SLF1: variants seen among roughly 807,000 people sequenced by gnomAD.
The protein encoded by SLF1 is SMC5-SMC6 complex localization factor protein 1.
Under a neutral mutation model 123.0 loss-of-function variants are expected in SLF1, and 105 were observed. The observed-to-expected ratio is 0.85, with a 90% confidence interval of 0.73 to 1.00. The LOEUF (loss-of-function observed/expected upper bound fraction) is 1.00, where lower values mean the gene tolerates loss of function less well. Among genes scored for constraint, SLF1 ranks in the 50% least tolerant of loss-of-function variants. The pLI is 0.00. For synonymous variants in SLF1, 434 were observed against 406.6 expected, an observed-to-expected ratio of 1.07 and a Z score of -0.81; for missense variants, 1,239 against 1,223.0, an observed-to-expected ratio of 1.01 and a Z score of -0.20.
chr5:94,650,145 ATTAG>A (rs1747516856), intron 6 of SLF1, among the ~76,000 whole-genome samples: 3 of 152,288 alleles, frequency 2.0e-5, no homozygotes, highest in Middle Eastern at 3.4e-3. Flanking sequence ...AAAGGACATT[ATTAG>A]TTCTGCTCTA....
chr5:94,633,647 T>G (rs1052737343), intron 4 of SLF1, among the ~76,000 whole-genome samples: 1 of 152,198 alleles, frequency 6.6e-6, no homozygotes, highest in African/African-American at 2.4e-5. Flanking sequence ...AAGACATGGT[T>G]GTGTACTAAA....
At chr5:94,689,189 C>T (rs904082004) in intron 17 of SLF1, among the ~76,000 whole-genome samples, 8 of 152,146 alleles carry the variant, frequency 5.3e-5, no homozygotes, top group African/African-American at 1.7e-4. Flanking sequence ...GCTTTATTCT[C>T]TCTGCCAAAT....
rs1447836385 is a variant in SLF1, at chr5:94,651,793, T to G, written c.830T>G (p.Leu277Trp). ...AAATTCAGTGGTTCCAGTAAAGATT[T>G]GAAATTTGTTAAAATGAGAAATACC... ...KEKFSGSSKD[L>W]KFVKMRNTFG... is the part of the protein sequence containing the mutation. The change falls in exon 7 of 21, where the codon TTG becomes TGG. Residue 277 changes from leucine to tryptophan, a missense_variant. Transcript: ENST00000265140. 2 of 1,512,686 alleles carry G rather than the reference T, an allele frequency of 1.3e-6. No homozygotes were observed. Among genetic ancestry groups the G allele is most frequent in the Non-Finnish European group, 1.8e-6 (2 of 1,123,638 alleles). 93.7% of individuals were successfully genotyped at this position (1,512,686 alleles called of 1,614,324 possible). A position where few individuals can be genotyped will look rare whatever the true frequency, so the allele number is the denominator to read the frequency against.
chr5:94,679,658 A>G (rs1017891044), intron 15 of SLF1, among the ~76,000 whole-genome samples: 2 of 152,124 alleles, frequency 1.3e-5, no homozygotes, highest in African/African-American at 4.8e-5. Context: ...TGGTGCTCTA[A>G]CAAGAAATGA....
At chr5:94,648,210 G>A (rs1229385397) in intron 5 of SLF1, among the ~76,000 whole-genome samples, 1 of 152,134 alleles carries the variant, frequency 6.6e-6, no homozygotes, top group East Asian at 1.9e-4. Flanking sequence ...AATAGGAAGG[G>A]AGAAAAGTCT....
chr5:94,623,477 T>C (rs1244768427), intron 1 of SLF1, among the ~76,000 whole-genome samples: 1 of 152,140 alleles, frequency 6.6e-6, no homozygotes, highest in Non-Finnish European at 1.5e-5. Flanking sequence ...TGCTCTCTTT[T>C]TTGCTTTTTT....
In SLF1 at chr5:94,697,411, A is replaced by G. The variant is rs570411893; in HGVS notation, c.*2099A>G. Reference sequence around the variant, plus strand: ...GAGGTATAGGAAGAAGAAATTCTCAATAAGTAAAGTATAATTCATAGTCTT... The same window carrying G: ...GAGGTATAGGAAGAAGAAATTCTCAGTAAGTAAAGTATAATTCATAGTCTT... On this transcript the variant is annotated 3_prime_UTR_variant, in exon 21 of 21. Coordinates refer to ENST00000265140, the MANE Select transcript of SLF1 (RefSeq NM_032290.4). The G allele has an allele frequency of 6.6e-6, 1 of 152,040 alleles. No individual in the cohort carries two copies. The highest frequency in any genetic ancestry group is 2.4e-5 in the African/African-American group (1 of 41,526). 9.4% of individuals were successfully genotyped at this position (152,040 alleles called of 1,614,324 possible). A position where few individuals can be genotyped will look rare whatever the true frequency, so the allele number is the denominator to read the frequency against.
chr5:94,639,225 A>G (rs1746175350), intron 4 of SLF1, among the ~76,000 whole-genome samples: 1 of 151,952 alleles, frequency 6.6e-6, no homozygotes, highest in African/African-American at 2.4e-5. Flanking sequence ...TTTTTATTAG[A>G]AACGGGGTTT....
rs1225589726 is a variant in SLF1 at position 94,678,853 on chromosome 5, G to A, written c.1873G>A (p.Ala625Thr). The change falls in exon 15 of 21, where the codon GCA (alanine) becomes ACA (threonine). Residue 625 changes from alanine (A) to threonine (T), a missense_variant. Transcript: ENST00000265140. Reference sequence around the variant, plus strand: ...TTACTTATTGGCTGGAATTCTTGGAGCAGCAATAGATTATTGGATTTTCCT... The same window carrying A: ...TTACTTATTGGCTGGAATTCTTGGAACAGCAATAGATTATTGGATTTTCCT... ...LAYLLAGILGAAIDYWIFLGL... is the reference protein window; with the variant it reads ...LAYLLAGILGTAIDYWIFLGL... 3 of 1,613,446 alleles carry A rather than the reference G, an allele frequency of 1.9e-6. No homozygotes were observed. The highest frequency in any genetic ancestry group is 2.2e-5 in the East Asian group (1 of 44,790).
At chr5:94,633,270 A>G (rs1323067909) in intron 4 of SLF1, among the ~76,000 whole-genome samples, 1 of 152,180 alleles carries the variant, frequency 6.6e-6, no homozygotes, top group Admixed American at 6.6e-5. Context: ...TACAGGCGTG[A>G]ACCACTGCGA....
At chr5:94,637,189 T>G (rs1745911831) in intron 4 of SLF1, among the ~76,000 whole-genome samples, 1 of 152,188 alleles carries the variant, frequency 6.6e-6, no homozygotes, top group South Asian at 2.1e-4. Flanking sequence ...CAGCCACGTC[T>G]TCCAGGTGTT....
chr5:94,684,104 A>T (rs1310891005), intron 15 of SLF1, among the ~76,000 whole-genome samples: 1 of 152,176 alleles, frequency 6.6e-6, no homozygotes, highest in African/African-American at 2.4e-5. Flanking sequence ...TCCTTATTAG[A>T]TAAATAACTC....
rs143055963 is a variant in SLF1 at position 94,638,328 on chromosome 5, G to A, written c.432-4945G>A. ...CGAGTAGCTGGAACTACAGGTGCCC[G>A]CCACCACGCCAGCTAATTTTTTTTG... is the stretch of plus-strand genomic sequence containing the variant. On this transcript the variant is annotated intron_variant, in intron 4 of 20. Transcript: ENST00000265140. Among the ~76,000 whole-genome samples the A allele has an allele frequency of 3.8e-3, 584 of 152,134 alleles. 3 individuals are homozygous for A. The highest frequency in any genetic ancestry group is 0.014 in the African/African-American group (562 of 41,492).
chr5:94,623,936 T>C (rs1792013297), intron 1 of SLF1, among the ~76,000 whole-genome samples: 2 of 152,294 alleles, frequency 1.3e-5, no homozygotes, highest in Non-Finnish European at 2.9e-5. Flanking sequence ...TTAGATCCTG[T>C]AATACAGGTC....
intron 11 of SLF1, 28 bp downstream of exon 11, chr5:94,663,936 C>G: frequency 6.9e-7 from 1 of 1,445,320 alleles, no homozygotes; most frequent in Non-Finnish European, 9.1e-7. Context: ...GATTTATAAT[C>G]TTTTTTTCAA....
intron 14 of SLF1, among the ~76,000 whole-genome samples, chr5:94,671,300 A>G (rs1321877859): frequency 6.6e-6 from 1 of 151,790 alleles, no homozygotes; most frequent in Non-Finnish European, 1.5e-5. Context: ...TGATTCATGA[A>G]GAACTTAAGA....
chr5:94,686,504 G>A, intron 15 of SLF1, 69 bp from the exon 16 acceptor site: 1 of 1,529,070 alleles, frequency 6.5e-7, no homozygotes, highest in South Asian at 1.2e-5. Flanking sequence ...CTTCACTAAG[G>A]AAATAGCCTA....
chr5:94,652,715 A>C (rs1747883681), intron 7 of SLF1, among the ~76,000 whole-genome samples: 1 of 152,160 alleles, frequency 6.6e-6, no homozygotes, highest in Non-Finnish European at 1.5e-5. Context: ...TAGTTGGTAT[A>C]TTCCTAGGAA....
At position 94,644,757 on chromosome 5, in the gene SLF1, T is replaced by A. The variant is rs189581763; in HGVS notation, c.594+1322T>A. Among the ~76,000 whole-genome samples the A allele has an allele frequency of 2.0e-4, 30 of 152,322 alleles. No homozygotes were observed. The East Asian group carries it at 3.9e-3, about 20-fold the overall frequency. On this transcript the variant is annotated intron_variant, in intron 5 of 20. Coordinates refer to ENST00000265140, the MANE Select transcript of SLF1 (RefSeq NM_032290.4). ...ATGTGTTCTCATAGCATTATTTAGC[T>A]TGGTACTCCTTACATTTACAGTTAA...
Sources: gnomAD v4.1 joint callset for allele counts (sites outside exome capture counted in the v4.1 genomes callset) on GRCh38, gnomAD v4.1.1 for gene constraint, MANE v1.5 for transcripts, NCBI Gene and HGNC (gene_info 2026-07-23, HGNC 2026-07-21) for gene names.